Variants in ESRRG observed in about 807,000 individuals in gnomAD.
ESRRG encodes the protein estrogen-related receptor gamma.
ESRRG carries 13 observed loss-of-function variants against 44.0 expected under a neutral mutation model. The ratio of observed to expected loss-of-function variants is 0.30; its 90% confidence interval spans 0.19 to 0.47. The LOEUF (loss-of-function observed/expected upper bound fraction) is 0.47, where lower values mean the gene tolerates loss of function less well. ESRRG is among the 20% of genes least tolerant of loss of function. The pLI is 1.00. For missense variants in ESRRG, 395 were observed against 580.6 expected (o/e 0.68, Z 3.29); for synonymous variants, 215 against 214.6 (o/e 1.00, Z -0.02).
chr1:217,020,591 A>C (rs1560495246), intron 1 of ESRRG, among the ~76,000 whole-genome samples: 1 of 152,166 alleles, frequency 6.6e-6, no homozygotes, highest in African/African-American at 2.4e-5. Flanking sequence ...ATGAAAGCAC[A>C]ATTACAGAGT....
chr1:216,652,648 T>A (rs1057371802), intron 2 of ESRRG, among the ~76,000 whole-genome samples: 2 of 152,126 alleles, frequency 1.3e-5, no homozygotes, highest in Non-Finnish European at 2.9e-5. Context: ...TACCATCACC[T>A]TCCTTGGAGA....
intron 1 of ESRRG, among the ~76,000 whole-genome samples, chr1:216,679,589 A>G (rs1452131525): frequency 4.0e-5 from 6 of 149,762 alleles, no homozygotes; most frequent in African/African-American, 1.5e-4. Context: ...CTCTTTCACC[A>G]TCTGCCTACA....
intron 5 of ESRRG, among the ~76,000 whole-genome samples, chr1:216,551,106 G>A (rs988744566): frequency 1.3e-5 from 2 of 152,072 alleles, no homozygotes; most frequent in African/African-American, 4.8e-5. Flanking sequence ...TCACGAATAG[G>A]CTGCAGAACA....
At chr1:216,897,854 A>C (rs2058598747) in intron 2 of ESRRG, among the ~76,000 whole-genome samples, 1 of 152,124 alleles carries the variant, frequency 6.6e-6, no homozygotes, top group African/African-American at 2.4e-5. Context: ...CTACTAGCTC[A>C]GTATTGGTGT....
At chr1:216,736,928 G>C (rs1236468753) in intron 2 of ESRRG, among the ~76,000 whole-genome samples, 1 of 152,062 alleles carries the variant, frequency 6.6e-6, no homozygotes, top group African/African-American at 2.4e-5. Context: ...CAGGAACAGA[G>C]CTTTTATTAA....
intron 1 of ESRRG, among the ~76,000 whole-genome samples, chr1:216,955,726 G>A (rs796663327): frequency 2.0e-4 from 30 of 151,846 alleles, no homozygotes; most frequent in African/African-American, 6.8e-4. Context: ...TGTCTTTTTG[G>A]TAATAGCCAT....
At chr1:217,133,645 C>CTCTCTCTCTCTCTCTCTCTT (rs1266397788) in intron 1 of ESRRG, among the ~76,000 whole-genome samples, 11 of 91,792 alleles carry the variant, frequency 1.2e-4, no homozygotes, top group African/African-American at 3.8e-4. Context: ...CTCTCTCTCT[C>CTCTCTCTCTCTCTCTCTCTT]TCTTTCTTTC....
intron 4 of ESRRG, among the ~76,000 whole-genome samples, chr1:216,566,553 GA>G (rs764147185): frequency 9.2e-5 from 14 of 152,114 alleles, no homozygotes; most frequent in Non-Finnish European, 1.9e-4. Context: ...TTCAGTAGAG[GA>G]AATTATCAAT....
At chr1:217,064,942 A>G (rs534828372) in intron 1 of ESRRG, among the ~76,000 whole-genome samples, 1 of 152,242 alleles carries the variant, frequency 6.6e-6, no homozygotes, top group South Asian at 2.1e-4. Flanking sequence ...AGTAGGGACA[A>G]AAAGAAGAAG....
intron 1 of ESRRG, among the ~76,000 whole-genome samples, chr1:217,007,954 G>T (rs2077990983): frequency 6.6e-6 from 1 of 152,162 alleles, no homozygotes; most frequent in Non-Finnish European, 1.5e-5. Flanking sequence ...CAAGAAGAAT[G>T]ATCTATCAAA....
In ESRRG at chr1:217,078,129, T is replaced by C. The variant is rs1257861204; in HGVS notation, c.-106+11378A>G. On this transcript the variant is annotated intron_variant, in intron 1 of 7. Coordinates refer to the ESRRG transcript ENST00000359162. ...GTACTATTGCTGCCTAAATCATACATACTTACACGTTCTGGGTTCTTCCAA... is the reference window on the plus strand; with the variant it reads ...GTACTATTGCTGCCTAAATCATACACACTTACACGTTCTGGGTTCTTCCAA... 4 of 152,236 alleles carry C rather than the reference T, an allele frequency of 2.6e-5. No homozygotes were observed. The East Asian group carries it at 5.8e-4, about 22-fold the overall frequency. 9.4% of individuals were successfully genotyped at this position (152,236 alleles called of 1,614,324 possible).
chr1:217,023,732 T>C (rs1471360368), intron 1 of ESRRG, among the ~76,000 whole-genome samples: 1 of 152,146 alleles, frequency 6.6e-6, no homozygotes, highest in Non-Finnish European at 1.5e-5. Context: ...CCCTGCCCAC[T>C]CACTTCCCCA....
At chr1:216,795,129 G>T (rs1576626979) in intron 2 of ESRRG, among the ~76,000 whole-genome samples, 1 of 152,076 alleles carries the variant, frequency 6.6e-6, no homozygotes, top group Non-Finnish European at 1.5e-5. Context: ...ACTTGACAAA[G>T]ACTGCTTACT....
intron 1 of ESRRG, among the ~76,000 whole-genome samples, chr1:217,045,470 A>AG (rs1433808851): frequency 6.6e-6 from 1 of 152,224 alleles, no homozygotes. Flanking sequence ...GTGGGAGAAA[A>AG]GGGGGGACCT....
At chr1:216,787,887 T>C (rs180712933) in intron 2 of ESRRG, among the ~76,000 whole-genome samples, 1 of 152,182 alleles carries the variant, frequency 6.6e-6, no homozygotes, top group Non-Finnish European at 1.5e-5. Flanking sequence ...GGAGAAAGTT[T>C]GAGTGCCTAG....
At chr1:216,795,463 C>A (rs1488460687) in intron 2 of ESRRG, among the ~76,000 whole-genome samples, 1 of 150,700 alleles carries the variant, frequency 6.6e-6, no homozygotes, top group African/African-American at 2.4e-5. Flanking sequence ...GCCTCAGCCT[C>A]CCGAGTAACT....
intron 3 of ESRRG, among the ~76,000 whole-genome samples, chr1:216,568,592 G>A (rs756251805): frequency 2.6e-5 from 4 of 152,184 alleles, no homozygotes; most frequent in Admixed American, 6.5e-5. Flanking sequence ...GGAGGAGGGA[G>A]GCCAGAATTA....
intron 1 of ESRRG, among the ~76,000 whole-genome samples, chr1:217,000,878 C>T (rs1029868028): frequency 5.9e-5 from 9 of 152,230 alleles, no homozygotes; most frequent in Non-Finnish European, 1.3e-4. Context: ...CCACACTATG[C>T]ACATGTTAAA....
At chr1:216,749,575 T>C (rs967957514) in intron 2 of ESRRG, among the ~76,000 whole-genome samples, 1 of 152,208 alleles carries the variant, frequency 6.6e-6, no homozygotes, top group Non-Finnish European at 1.5e-5. Context: ...AGCAGCTGTT[T>C]AATGTAATTC....
Sources: gnomAD v4.1 joint callset for allele counts (sites outside exome capture counted in the v4.1 genomes callset) on GRCh38, gnomAD v4.1.1 for gene constraint, MANE v1.5 for transcripts, NCBI Gene and HGNC (gene_info 2026-07-23, HGNC 2026-07-21) for gene names.